The following DEPDC1B variants were observed in gnomAD, a reference collection of about 807,000 sequenced individuals.
DEPDC1B encodes DEP domain-containing protein 1B.
A neutral mutation model predicts 66.5 loss-of-function variants in DEPDC1B; 51 were observed. The ratio of observed to expected loss-of-function variants is 0.77; its 90% CI spans 0.61 to 0.97. The LOEUF is 0.97. DEPDC1B is among the 50% of genes least tolerant of loss of function. DEPDC1B has a pLI of 0.00. For synonymous variants in DEPDC1B, 226 were observed against 223.6 expected, an observed-to-expected ratio of 1.01 and a Z score of -0.10; for missense variants, 552 against 637.1, an observed-to-expected ratio of 0.87 and a Z score of 1.44.
chr5:60,620,063 G>A (rs1752666198), intron 7 of DEPDC1B, among the ~76,000 whole-genome samples: 1 of 152,082 alleles, frequency 6.6e-6, no homozygotes, highest in Non-Finnish European at 1.5e-5. Context: ...TTAATAAATG[G>A]TGCTGGGAAA....
At chr5:60,643,242 T>C (rs1425922198) in intron 5 of DEPDC1B, among the ~76,000 whole-genome samples, 1 of 152,180 alleles carries the variant, frequency 6.6e-6, no homozygotes, top group East Asian at 1.9e-4. Flanking sequence ...TGAAACAAGT[T>C]CATCAAACAC....
At chr5:60,612,967 T>C (rs1289964890) in intron 7 of DEPDC1B, among the ~76,000 whole-genome samples, 1 of 152,222 alleles carries the variant, frequency 6.6e-6, no homozygotes, top group East Asian at 1.9e-4. Context: ...TCTTCTAAGC[T>C]TCTCTTGTGC....
chr5:60,671,901 C>T (rs1754048858), intron 2 of DEPDC1B, among the ~76,000 whole-genome samples: 1 of 152,180 alleles, frequency 6.6e-6, no homozygotes, highest in Admixed American at 6.5e-5. Context: ...CAGTCTTTGC[C>T]CTCAAGAAAC....
intron 2 of DEPDC1B, among the ~76,000 whole-genome samples, chr5:60,663,609 A>T (rs1753770683): frequency 6.6e-6 from 1 of 151,794 alleles, no homozygotes. Flanking sequence ...CAACATCTCA[A>T]CTCACCTGGA....
intron 1 of DEPDC1B, chr5:60,687,792 C>A: frequency 4.8e-6 from 1 of 209,732 alleles, no homozygotes; most frequent in Non-Finnish European, 9.9e-6. Context: ...TCCCAAAGTG[C>A]TGGAATTACA....
chr5:60,678,143 G>A (rs62373034), intron 2 of DEPDC1B, among the ~76,000 whole-genome samples: 1 of 151,218 alleles, frequency 6.6e-6, no homozygotes, highest in African/African-American at 2.4e-5. Context: ...TTTTTTTTTG[G>A]TGTATAGCCC....
intron 7 of DEPDC1B, 32 bp downstream of exon 7, chr5:60,638,718 T>C (rs918981770): frequency 1.3e-6 from 2 of 1,564,480 alleles, no homozygotes; most frequent in African/African-American, 1.4e-5. Context: ...ATATCAGTGA[T>C]GTAGATATAT....
At chr5:60,636,655 G>A (rs1440976496) in intron 7 of DEPDC1B, among the ~76,000 whole-genome samples, 1 of 152,026 alleles carries the variant, frequency 6.6e-6, no homozygotes, top group African/African-American at 2.4e-5. Flanking sequence ...CAGATAAACT[G>A]TGGTCTTCCG....
chr5:60,677,257 G>T (rs1158583668), intron 2 of DEPDC1B, among the ~76,000 whole-genome samples: 3 of 147,214 alleles, frequency 2.0e-5, no homozygotes, highest in Non-Finnish European at 4.4e-5. Context: ...ATTAAATACT[G>T]TCTTGATTCT....
intron 1 of DEPDC1B, among the ~76,000 whole-genome samples, chr5:60,698,469 A>T (rs891391874): frequency 1.3e-5 from 2 of 152,230 alleles, no homozygotes; most frequent in Admixed American, 6.5e-5. Context: ...GGCCCAGGTA[A>T]CAGCCAGGAC....
intron 1 of DEPDC1B, among the ~76,000 whole-genome samples, chr5:60,699,704 C>T (rs1481117397): frequency 2.0e-5 from 3 of 152,148 alleles, no homozygotes; most frequent in Non-Finnish European, 4.4e-5. Context: ...CGTGGTGGCC[C>T]CTCAGGTTAC....
At chr5:60,683,380 C>T (rs1482217716) in intron 2 of DEPDC1B, among the ~76,000 whole-genome samples, 1 of 151,992 alleles carries the variant, frequency 6.6e-6, no homozygotes, top group African/African-American at 2.4e-5. Context: ...TGCAGTGAGC[C>T]AAGATCGCAC....
chr5:60,669,728 G>T (rs1753985535), intron 2 of DEPDC1B, among the ~76,000 whole-genome samples: 1 of 152,136 alleles, frequency 6.6e-6, no homozygotes, highest in African/African-American at 2.4e-5. Context: ...TCCAAACTCA[G>T]AAATCTTTCC....
chr5:60,625,965 A>G (rs942406298), intron 7 of DEPDC1B, among the ~76,000 whole-genome samples: 1 of 152,162 alleles, frequency 6.6e-6, no homozygotes, highest in Non-Finnish European at 1.5e-5. Context: ...TTTAACTCCT[A>G]AAGTCAAATT....
intron 6 of DEPDC1B, among the ~76,000 whole-genome samples, chr5:60,642,435 T>C (rs1753210938): frequency 6.6e-6 from 1 of 152,174 alleles, no homozygotes; most frequent in Non-Finnish European, 1.5e-5. Flanking sequence ...CATATACCTA[T>C]AAAAATCCTC....
At chr5:60,661,953 G>T (rs561754967) in intron 2 of DEPDC1B, among the ~76,000 whole-genome samples, 3 of 152,232 alleles carry the variant, frequency 2.0e-5, no homozygotes, top group Middle Eastern at 3.4e-3. Context: ...CCATAATACA[G>T]GGAAAGAAAG....
intron 2 of DEPDC1B, among the ~76,000 whole-genome samples, chr5:60,659,366 T>C (rs912255123): frequency 6.6e-6 from 1 of 152,172 alleles, no homozygotes; most frequent in South Asian, 2.1e-4. Context: ...TATACTTCCT[T>C]AGAATTGGAG....
At chr5:60,616,009 G>A (rs1043057002) in intron 7 of DEPDC1B, among the ~76,000 whole-genome samples, 1 of 152,212 alleles carries the variant, frequency 6.6e-6, no homozygotes, top group Non-Finnish European at 1.5e-5. Context: ...TGCAGCCTCT[G>A]CTGCTGATAC....
At chr5:60,638,289 T>C (rs569153827) in intron 7 of DEPDC1B, among the ~76,000 whole-genome samples, 1 of 152,316 alleles carries the variant, frequency 6.6e-6, no homozygotes, top group South Asian at 2.1e-4. Context: ...ATAAAGTCAC[T>C]ATATTTATTT....
Sources: allele counts gnomAD v4.1 joint callset (sites outside exome capture counted in the v4.1 genomes callset), GRCh38; gene constraint gnomAD v4.1.1; transcripts MANE v1.5; gene names NCBI Gene and HGNC (gene_info 2026-07-23, HGNC 2026-07-21).